Variants in SLC67A2 observed in about 807,000 individuals in gnomAD.
SLC67A2 encodes solute carrier family 67 member A2.
chr2:102,733,581 C>T, the SLC67A2 span, among the ~76,000 whole-genome samples: 34,343 of 152,022 alleles, frequency 0.23, 3,865 homozygotes, highest in Middle Eastern at 0.27. Flanking sequence ...ATTGCCATTA[C>T]TTAAAATTTC....
chr2:102,718,649 T>C, the SLC67A2 span: 2 of 1,613,630 alleles, frequency 1.2e-6, no homozygotes, highest in Admixed American at 1.7e-5. Flanking sequence ...CACAGTCAGC[T>C]GGAGGTCCGT....
chr2:102,716,795 A>T, the SLC67A2 span: 1 of 152,242 alleles, frequency 6.6e-6, no homozygotes, highest in African/African-American at 2.4e-5. Flanking sequence ...TGTGAACTTC[A>T]ACTGTCTGAC....
the SLC67A2 span, among the ~76,000 whole-genome samples, chr2:102,727,610 C>T: frequency 1.1e-4 from 16 of 152,226 alleles, no homozygotes; most frequent in Non-Finnish European, 1.8e-4. Context: ...ATATAAATAA[C>T]GCTACAATAG....
chr2:102,719,002 C>G, the SLC67A2 span: 1 of 1,614,214 alleles, frequency 6.2e-7, no homozygotes, highest in Non-Finnish European at 8.5e-7. Flanking sequence ...TTTCGGAAAA[C>G]AGCAGGTTCT....
At chr2:102,717,135 C>T in the SLC67A2 span, 1 of 152,202 alleles carries the variant, frequency 6.6e-6, no homozygotes, top group South Asian at 2.1e-4. Context: ...CAGGTTCACG[C>T]CATTCTACCT....
At chr2:102,733,745 T>C in the SLC67A2 span, among the ~76,000 whole-genome samples, 3 of 148,098 alleles carry the variant, frequency 2.0e-5, no homozygotes, top group African/African-American at 7.3e-5. Flanking sequence ...CCAATAACCA[T>C]TTTTTTCCAA....
At chr2:102,718,678 G>A in the SLC67A2 span, 7 of 1,613,900 alleles carry the variant, frequency 4.3e-6, no homozygotes, top group Non-Finnish European at 5.1e-6. Context: ...TCCTGCCAAT[G>A]GCAGTGGAGA....
the SLC67A2 span, among the ~76,000 whole-genome samples, chr2:102,735,099 G>A: frequency 3.3e-5 from 5 of 152,206 alleles, no homozygotes; most frequent in Non-Finnish European, 5.9e-5. Flanking sequence ...ATACTCACTG[G>A]TTGTGAATTC....
At chr2:102,730,876 T>A in the SLC67A2 span, 13 of 732,658 alleles carry the variant, frequency 1.8e-5, no homozygotes, top group Non-Finnish European at 2.9e-5. Flanking sequence ...TTTGTTTACA[T>A]TCTTTTTGTC....
At chr2:102,717,569 C>CA in the SLC67A2 span, 18 of 152,394 alleles carry the variant, frequency 1.2e-4, no homozygotes, top group African/African-American at 4.3e-4. Flanking sequence ...GCTGGGCTCT[C>CA]AGAGGCAGGG....
chr2:102,736,716 G>A, the SLC67A2 span: 1 of 1,613,758 alleles, frequency 6.2e-7, no homozygotes, highest in Non-Finnish European at 8.5e-7. Flanking sequence ...GGCAGCCTCC[G>A]CCTCGGTTCC....
At chr2:102,726,775 G>C in the SLC67A2 span, 1,172,830 of 1,508,294 alleles carry the variant, frequency 0.78, 456,885 homozygotes, top group Admixed American at 0.8. Context: ...AGGAGGAAGC[G>C]TGCAGTTTCA....
the SLC67A2 span, among the ~76,000 whole-genome samples, chr2:102,730,428 T>C: frequency 2.0e-5 from 3 of 152,156 alleles, no homozygotes; most frequent in South Asian, 2.1e-4. Context: ...TACACTTAAG[T>C]CTTATAAAAA....
the SLC67A2 span, among the ~76,000 whole-genome samples, chr2:102,715,566 G>A: frequency 5.9e-5 from 9 of 152,072 alleles, no homozygotes; most frequent in Admixed American, 1.3e-4. Context: ...AGACATGAGG[G>A]CAGAGGCCTA....
chr2:102,723,785 G>A, the SLC67A2 span: 43 of 1,614,122 alleles, frequency 2.7e-5, no homozygotes, highest in Middle Eastern at 1.6e-4. Context: ...CACCGACCAC[G>A]GGGCCCAAGA....
At chr2:102,723,595 AGTCT>A in the SLC67A2 span, 1 of 1,137,386 alleles carries the variant, frequency 8.8e-7, no homozygotes. Flanking sequence ...TTGGACGATG[AGTCT>A]GTCTATTCTG....
the SLC67A2 span, among the ~76,000 whole-genome samples, chr2:102,726,485 T>C: frequency 1.3e-5 from 2 of 152,128 alleles, no homozygotes; most frequent in African/African-American, 4.8e-5. Flanking sequence ...AAATGTTCAA[T>C]GGCCAGCAGC....
chr2:102,729,523 C>A, the SLC67A2 span, among the ~76,000 whole-genome samples: 1 of 152,186 alleles, frequency 6.6e-6, no homozygotes, highest in East Asian at 1.9e-4. Flanking sequence ...TCAAACTTTT[C>A]TCTCACAAGA....
chr2:102,725,074 G>C, the SLC67A2 span, among the ~76,000 whole-genome samples: 1 of 152,334 alleles, frequency 6.6e-6, no homozygotes, highest in East Asian at 1.9e-4. Flanking sequence ...GAACAACCCA[G>C]CCTAAGCTTC....
Sources: gnomAD v4.1 joint callset for allele counts (sites outside exome capture counted in the v4.1 genomes callset) on GRCh38, gnomAD v4.1.1 for gene constraint, MANE v1.5 for transcripts, NCBI Gene and HGNC (gene_info 2026-07-23, HGNC 2026-07-21) for gene names.